Variants in BICDL1 observed in about 807,000 individuals in gnomAD.
BICDL1 encodes the protein BICD family-like cargo adapter 1.
In BICDL1, 20 loss-of-function variants were observed where a neutral mutation model predicts 76.8. The ratio of observed to expected loss-of-function variants is 0.26; its 90% CI spans 0.18 to 0.38. The LOEUF (loss-of-function observed/expected upper bound fraction) is 0.38. Among genes scored for constraint, BICDL1 ranks in the 10% least tolerant of loss-of-function variants. The pLI, the probability that BICDL1 is intolerant of heterozygous loss-of-function variation, is 1.00. For synonymous variants in BICDL1, 383 were observed against 337.1 expected, an observed-to-expected ratio of 1.14 and a Z score of -1.49; for missense variants, 700 against 798.6, an observed-to-expected ratio of 0.88 and a Z score of 1.49.
At chr12:120,069,302 G>C (rs1006150571) in intron 4 of BICDL1, among the ~76,000 whole-genome samples, 2 of 152,196 alleles carry the variant, frequency 1.3e-5, no homozygotes, top group African/African-American at 2.4e-5. Context: ...ACAGGTGAAC[G>C]TGCAGGATGA....
chr12:119,998,880 C>T, intron 2 of BICDL1, 144 bp downstream of exon 2: 1 of 722,374 alleles, frequency 1.4e-6, no homozygotes, highest in Middle Eastern at 3.8e-4. Flanking sequence ...CACAGGGAGA[C>T]CTCATCTCTA....
chr12:120,067,830 C>T (rs984128934), intron 4 of BICDL1, among the ~76,000 whole-genome samples: 5 of 152,148 alleles, frequency 3.3e-5, no homozygotes, highest in Non-Finnish European at 7.4e-5. Flanking sequence ...CCAAATGCTT[C>T]CTAGGAATGT....
At chr12:120,045,462 A>G (rs1254038082) in intron 2 of BICDL1, among the ~76,000 whole-genome samples, 1 of 152,196 alleles carries the variant, frequency 6.6e-6, no homozygotes. Flanking sequence ...TTAAAGACAC[A>G]TGCACACGTA....
chr12:120,089,510 G>A (rs1321419938), intron 8 of BICDL1, among the ~76,000 whole-genome samples: 3 of 152,254 alleles, frequency 2.0e-5, no homozygotes, highest in Admixed American at 6.5e-5. Context: ...CTCAGCCCGA[G>A]TAACTGGGAT....
intron 2 of BICDL1, among the ~76,000 whole-genome samples, chr12:120,033,648 A>G (rs1298033928): frequency 6.6e-6 from 1 of 151,820 alleles, no homozygotes; most frequent in Non-Finnish European, 1.5e-5. Flanking sequence ...CGGCCTCCCA[A>G]AGTGCTGGGA....
chr12:120,045,470 G>A (rs577419855), intron 2 of BICDL1, among the ~76,000 whole-genome samples: 63 of 152,170 alleles, frequency 4.1e-4, no homozygotes, highest in African/African-American at 1.4e-3. Flanking sequence ...ACATGCACAC[G>A]TATGTTTATT....
intron 8 of BICDL1, among the ~76,000 whole-genome samples, chr12:120,088,006 T>G (rs544371785): frequency 6.6e-6 from 1 of 152,248 alleles, no homozygotes; most frequent in East Asian, 1.9e-4. Flanking sequence ...CTTGGCTCAC[T>G]GTAACCTCCG....
At chr12:119,998,816 G>A (rs376594740) in intron 2 of BICDL1, 80 bp downstream of exon 2, 74 of 1,385,938 alleles carry the variant, frequency 5.3e-5, no homozygotes, top group African/African-American at 1.7e-4. Flanking sequence ...TGCCTGTGAC[G>A]CCAGCATTTC....
At chr12:120,044,604 A>G (rs1257366451) in intron 2 of BICDL1, among the ~76,000 whole-genome samples, 1 of 152,182 alleles carries the variant, frequency 6.6e-6, no homozygotes, top group Non-Finnish European at 1.5e-5. Context: ...GAAAGTATAA[A>G]CATTTCAGCT....
At chr12:120,054,634 T>A (rs531886936) in intron 2 of BICDL1, among the ~76,000 whole-genome samples, 214 of 152,202 alleles carry the variant, frequency 1.4e-3, no homozygotes, top group Non-Finnish European at 2.1e-3. Context: ...CCCAACACTT[T>A]GGGAGGCTGA....
chr12:120,042,374 A>G (rs1952659645), intron 2 of BICDL1, among the ~76,000 whole-genome samples: 1 of 152,170 alleles, frequency 6.6e-6, no homozygotes. Flanking sequence ...TGAAGTTGCC[A>G]TCTCCTGAGA....
At chr12:119,993,964 C>T (rs1444648872) in intron 1 of BICDL1, among the ~76,000 whole-genome samples, 1 of 152,228 alleles carries the variant, frequency 6.6e-6, no homozygotes, top group East Asian at 1.9e-4. Context: ...TTTTCATCTA[C>T]AATTAGCCGT....
chr12:120,040,496 A>G (rs1226107321), intron 2 of BICDL1, among the ~76,000 whole-genome samples: 9 of 151,520 alleles, frequency 5.9e-5, no homozygotes, highest in Admixed American at 5.3e-4. Flanking sequence ...GCTCACTGCA[A>G]CCTTCACCTC....
At chr12:120,012,629 A>T (rs1951976391) in intron 2 of BICDL1, among the ~76,000 whole-genome samples, 1 of 152,240 alleles carries the variant, frequency 6.6e-6, no homozygotes, top group South Asian at 2.1e-4. Context: ...CTTTCCCTTT[A>T]CATTAATGAT....
intron 2 of BICDL1, among the ~76,000 whole-genome samples, chr12:120,011,236 C>T (rs1026498312): frequency 2.6e-5 from 4 of 152,120 alleles, no homozygotes; most frequent in African/African-American, 4.8e-5. Context: ...CTGTTGCTTC[C>T]GCTCATTTGC....
intron 2 of BICDL1, among the ~76,000 whole-genome samples, chr12:120,013,093 C>T (rs1349583789): frequency 6.6e-6 from 1 of 152,012 alleles, no homozygotes; most frequent in Admixed American, 6.6e-5. Context: ...GGTGGATCAC[C>T]TAAGGTCAGG....
At chr12:120,064,651 A>C (rs1383341008) in intron 3 of BICDL1, 82 bp from the exon 4 acceptor site, 2 of 1,391,644 alleles carry the variant, frequency 1.4e-6, no homozygotes, top group Non-Finnish European at 1.9e-6. Context: ...ACTTGCCTTC[A>C]TGTTTTGGGG....
In BICDL1 at chr12:119,989,902, G is replaced by C. The variant is rs780511421; in HGVS notation, c.34G>C (p.Ala12Pro). The C allele has an allele frequency of 2.1e-6, 3 of 1,444,100 alleles. No individual in the cohort carries two copies. The African/African-American group carries it at 4.5e-5, about 22-fold the overall frequency. 89.5% of individuals were successfully genotyped at this position (1,444,100 alleles called of 1,614,324 possible). A position where few individuals can be genotyped will look rare whatever the true frequency, so the allele number is the denominator to read the frequency against. Residue 12 changes from alanine to proline, a missense_variant, in exon 1 of 10, where the codon GCT (alanine) becomes CCT (proline). Coordinates refer to ENST00000548673, the MANE Select transcript of BICDL1 (RefSeq NM_001367886.1). ...SAFCLGLVGRASAPAEPDSAC... is the reference protein window; with the variant it reads ...SAFCLGLVGRPSAPAEPDSAC... ...TTTCTGCCTGGGCTTGGTCGGCCGC[G>C]CTTCAGCACCCGCCGAGCCGGACAG...
At chr12:120,053,760 C>T (rs1020399938) in intron 2 of BICDL1, among the ~76,000 whole-genome samples, 13 of 152,116 alleles carry the variant, frequency 8.5e-5, no homozygotes, top group South Asian at 2.1e-4. Flanking sequence ...GAGTGCTATG[C>T]GTGTATTGCT....
Sources: gnomAD v4.1 joint callset for allele counts (sites outside exome capture counted in the v4.1 genomes callset) on GRCh38, gnomAD v4.1.1 for gene constraint, MANE v1.5 for transcripts, NCBI Gene and HGNC (gene_info 2026-07-23, HGNC 2026-07-21) for gene names.